The following HERC2 variants were observed in gnomAD, a reference collection of about 807,000 sequenced individuals.
HERC2 encodes E3 ubiquitin-protein ligase HERC2.
A neutral mutation model predicts 537.7 loss-of-function variants in HERC2; 102 were observed. The observed-to-expected ratio is 0.19, with a 90% confidence interval of 0.16 to 0.22. The LOEUF is 0.22. Ranked by LOEUF, HERC2 falls within the 10% of genes least tolerant of loss-of-function variation. The pLI is 1.00. For synonymous variants in HERC2, 2,224 were observed against 2,466.2 expected, an observed-to-expected ratio of 0.90 and a Z score of 2.91; for missense variants, 4,236 against 6,198.2, an observed-to-expected ratio of 0.68 and a Z score of 10.63.
chr15:28,209,550 A>G (rs541427843), intron 44 of HERC2, among the ~76,000 whole-genome samples: 20 of 152,110 alleles, frequency 1.3e-4, no homozygotes, highest in East Asian at 1.9e-4. Flanking sequence ...TCACCGTGTT[A>G]GCCAGGATGG....
At chr15:28,267,738 G>A (rs901559217) in intron 12 of HERC2, among the ~76,000 whole-genome samples, 1 of 152,256 alleles carries the variant, frequency 6.6e-6, no homozygotes, top group African/African-American at 2.4e-5. Flanking sequence ...ACCCTGTGGT[G>A]TGCATGGGCC....
intron 78 of HERC2, among the ~76,000 whole-genome samples, chr15:28,136,115 A>C (rs8041145): frequency 0.97 from 146,612 of 151,830 alleles, 70,905 homozygotes; most frequent in Non-Finnish European, 0.99. Flanking sequence ...ATAAACCACA[A>C]GGGAAAAAAC....
chr15:28,194,280 T>C (rs1487575512), intron 52 of HERC2, among the ~76,000 whole-genome samples: 4 of 142,688 alleles, frequency 2.8e-5, no homozygotes, highest in South Asian at 4.8e-4. Flanking sequence ...TTAGCCAGGA[T>C]GGTCTCGATC....
chr15:28,183,067 C>T (rs1895974422), intron 56 of HERC2, among the ~76,000 whole-genome samples: 1 of 152,208 alleles, frequency 6.6e-6, no homozygotes, highest in African/African-American at 2.4e-5. Context: ...CCTTTATACC[C>T]TCTGCCCAGG....
chr15:28,218,510 T>C lies in HERC2; in HGVS notation c.6007A>G (p.Ser2003Gly). The C allele has an allele frequency of 6.3e-7, 1 of 1,596,144 alleles. No individual in the cohort carries two copies. The highest frequency in any genetic ancestry group is 8.5e-7 in the Non-Finnish European group (1 of 1,179,712). ...LCGLLRMLVE[S>G]GTTDKTSSPN... ...ATACATGTCTTGTCCGTCGTTCCGC[T>C]TTCCACTAACATTCGCAGCAGTCCG... is the stretch of plus-strand genomic sequence containing the variant. Residue 2003 changes from serine (S) to glycine (G), a missense_variant, in exon 38 of 93, where the codon AGC (serine) becomes GGC (glycine). Ser to Gly is a moderately conservative substitution (Grantham distance 56). Transcript: ENST00000261609.
intron 71 of HERC2, 98 bp from the exon 72 acceptor site, chr15:28,144,902 G>A (rs1397751315): frequency 1.3e-6 from 2 of 1,505,690 alleles, no homozygotes; most frequent in East Asian, 2.3e-5. Context: ...CGTCACGTGT[G>A]AAGAGCAAGT....
At chr15:28,259,491 GA>G (rs1449017317) in intron 16 of HERC2, among the ~76,000 whole-genome samples, 1 of 152,086 alleles carries the variant, frequency 6.6e-6, no homozygotes, top group Non-Finnish European at 1.5e-5. Flanking sequence ...TATAGAAAAT[GA>G]AAAAGGACGG....
intron 89 of HERC2, chr15:28,115,207 C>A (rs1300142182): frequency 5.7e-6 from 3 of 522,998 alleles, no homozygotes; most frequent in Non-Finnish European, 1.0e-5. Flanking sequence ...AGGCAGTGAG[C>A]TTCCTTATCT....
chr15:28,248,678 A>G lies in HERC2; in HGVS notation c.3109T>C (p.Cys1037Arg). The change falls in exon 21 of 93, where the codon TGT becomes CGT. Residue 1037 changes from cysteine to arginine, a missense_variant. Physicochemically the swap from Cys to Arg is radical, Grantham distance 180. Transcript: ENST00000261609. ...CGACTGTGTTGCTCAAAGTCCAGAC[A>G]TGATGAAATCCGACGGGCAACATCT... ...LKDVARRISSCLDFEQHSRER... is the reference protein window; with the variant it reads ...LKDVARRISSRLDFEQHSRER... 1.2e-6 allele frequency: 2 copies of G among 1,614,158 alleles called. No homozygotes were observed. Among genetic ancestry groups the G allele is most frequent in the South Asian group, 1.1e-5 (1 of 91,092 alleles).
chr15:28,246,943 TC>T (rs760824762), intron 21 of HERC2, 46 bp from the exon 22 acceptor site: 24 of 1,552,648 alleles, frequency 1.5e-5, no homozygotes, highest in Non-Finnish European at 2.1e-5. Context: ...CTAAAATTTT[TC>T]TTTGTAAACA....
chr15:28,188,224 C>T (rs541287108), intron 55 of HERC2, among the ~76,000 whole-genome samples: 2 of 152,212 alleles, frequency 1.3e-5, no homozygotes, highest in South Asian at 4.1e-4. Context: ...AATCTGGACA[C>T]TGACTGAATA....
At chr15:28,309,447 G>A (rs2076880234) in intron 2 of HERC2, among the ~76,000 whole-genome samples, 1 of 152,188 alleles carries the variant, frequency 6.6e-6, no homozygotes, top group East Asian at 1.9e-4. Flanking sequence ...TATAGTTTTG[G>A]TCTTGAAATC....
chr15:28,254,250 T>A, intron 20 of HERC2, 90 bp downstream of exon 20: 1 of 907,036 alleles, frequency 1.1e-6, no homozygotes. Flanking sequence ...GCCATAGCAC[T>A]CCGGCCTGGG....
At chr15:28,248,528 A>G in intron 21 of HERC2, 24 bp downstream of exon 21, 2 of 1,588,414 alleles carry the variant, frequency 1.3e-6, no homozygotes, top group East Asian at 2.2e-5. Flanking sequence ...CATACAAGAC[A>G]CTTTCACATT....
chr15:28,193,940 A>G (rs71467324), intron 52 of HERC2, among the ~76,000 whole-genome samples: 2 of 152,212 alleles, frequency 1.3e-5, no homozygotes, highest in Non-Finnish European at 2.9e-5. Context: ...GGAGAAAAAC[A>G]GTATAGATGG....
intron 25 of HERC2, among the ~76,000 whole-genome samples, chr15:28,237,584 C>A (rs1239655551): frequency 2.0e-5 from 3 of 152,228 alleles, no homozygotes; most frequent in African/African-American, 7.2e-5. Context: ...AAGAGTTCAT[C>A]TTTTCCAGTC....
Position 28,274,983 on chromosome 15 carries a change from C to T in HERC2, c.565G>A (p.Val189Met). Residue 189 changes from valine (V) to methionine (M), a missense_variant, in exon 6 of 93, where the codon GTG becomes ATG. By Grantham distance (21) the Val-to-Met change is conservative. This residue lies in a region of HERC2 where 491 missense variants were observed against 559.3 expected (regional missense o/e 0.88). Coordinates refer to ENST00000261609, the MANE Select transcript of HERC2 (RefSeq NM_004667.6). ...GATCCCACTCTGGCGAGCCCCTCCACACCTTTGCCCGCAGGCCGGGAACTG... is the reference window on the plus strand; with the variant it reads ...GATCCCACTCTGGCGAGCCCCTCCATACCTTTGCCCGCAGGCCGGGAACTG... ...KKSSRPAGKGVEGLARVGSRA... is the reference protein window; with the variant it reads ...KKSSRPAGKGMEGLARVGSRA... 6.2e-7 allele frequency: 1 copy of T among 1,607,828 alleles called. No homozygotes were observed. The highest frequency in any genetic ancestry group is 8.5e-7 in the Non-Finnish European group (1 of 1,179,816).
chr15:28,283,235 AC>A (rs547233021), intron 4 of HERC2, among the ~76,000 whole-genome samples: 81 of 152,206 alleles, frequency 5.3e-4, no homozygotes, highest in African/African-American at 1.9e-3. Flanking sequence ...AACAGGATGA[AC>A]CCAAAGAAAT....
intron 3 of HERC2, among the ~76,000 whole-genome samples, chr15:28,296,111 G>A (rs1383224162): frequency 6.6e-6 from 1 of 151,966 alleles, no homozygotes; most frequent in Non-Finnish European, 1.5e-5. Flanking sequence ...GAATCAGTTG[G>A]GATCTACATA....
Sources: gnomAD v4.1 joint callset for allele counts (sites outside exome capture counted in the v4.1 genomes callset) on GRCh38, gnomAD v4.1.1 for gene constraint, gnomAD v4.1.1 regional missense constraint, MANE v1.5 for transcripts, NCBI Gene and HGNC (gene_info 2026-07-23, HGNC 2026-07-21) for gene names.